MYO3B: variants seen among roughly 807,000 people sequenced by gnomAD.
MYO3B encodes the protein myosin-IIIb.
A neutral mutation model predicts 174.6 loss-of-function variants in MYO3B; 156 were observed. The ratio of observed to expected loss-of-function variants is 0.89; its 90% CI spans 0.78 to 1.02. MYO3B has a LOEUF of 1.02. MYO3B is among the 50% of genes least tolerant of loss of function. The probability of loss-of-function intolerance (pLI) is 0.00; values close to 1 mark genes in which losing one functional copy is unlikely to be tolerated. For missense variants in MYO3B, 1,632 were observed against 1,639.4 expected, an observed-to-expected ratio of 1.00 and a Z score of 0.08; for synonymous variants, 563 against 569.1, an observed-to-expected ratio of 0.99 and a Z score of 0.15.
At chr2:170,199,032 T>C (rs956610125) in intron 1 of MYO3B, among the ~76,000 whole-genome samples, 176 bp from the exon 2 acceptor site, 22 of 152,186 alleles carry the variant, frequency 1.4e-4, no homozygotes, top group African/African-American at 5.1e-4. Flanking sequence ...CTATCTTTTA[T>C]TACCATTTCT....
chr2:170,501,825 A>C lies in MYO3B; in HGVS notation c.3330A>C (p.Ile1110=). The change falls in exon 28 of 35, where the codon ATA becomes ATC. Residue 1110 remains isoleucine (I), a synonymous_variant. Coordinates refer to ENST00000408978, the MANE Select transcript of MYO3B (RefSeq NM_138995.5). ...ATGCTCGGAGGAAATTTAAGAAAATAAGCAACAGAAGGAATGAGTCTGCTG... is the reference window on the plus strand; with the variant it reads ...ATGCTCGGAGGAAATTTAAGAAAATCAGCAACAGAAGGAATGAGTCTGCTG... ...GYDARRKFKK[I]SNRRNESAAH... 1 of 1,613,170 alleles carries C rather than the reference A, an allele frequency of 6.2e-7. No homozygotes were observed. Among genetic ancestry groups the C allele is most frequent in the Non-Finnish European group, 8.5e-7 (1 of 1,179,162 alleles).
chr2:170,438,998 G>A lies in MYO3B; in HGVS notation c.2651-4969G>A, dbSNP rs140021221. Among the ~76,000 whole-genome samples the A allele has an allele frequency of 2.4e-3, 361 of 151,624 alleles. 1 individual carries two copies. Among genetic ancestry groups the A allele is most frequent in the African/African-American group, 8.4e-3 (348 of 41,314 alleles). Reference sequence around the variant, plus strand: ...CATTTCCCTAATGTTTAGTGATACTGAGTATCTCTTCATATACCGGTTAGC... The same window carrying A: ...CATTTCCCTAATGTTTAGTGATACTAAGTATCTCTTCATATACCGGTTAGC... On this transcript the variant is annotated intron_variant, in intron 22 of 34. Coordinates refer to ENST00000408978, the MANE Select transcript of MYO3B (RefSeq NM_138995.5).
chr2:170,545,598 A>T (rs566489911), intron 32 of MYO3B, among the ~76,000 whole-genome samples: 1 of 152,374 alleles, frequency 6.6e-6, no homozygotes, highest in Non-Finnish European at 1.5e-5. Context: ...TATTAAAAAG[A>T]AAAGAGACTT....
At chr2:170,629,249 G>A (rs1198665743) in intron 32 of MYO3B, among the ~76,000 whole-genome samples, 1 of 152,144 alleles carries the variant, frequency 6.6e-6, no homozygotes. Flanking sequence ...GACTTCTGCT[G>A]GACTGCCAGC....
At position 170,542,979 on chromosome 2, in the gene MYO3B, C is replaced by G. The variant is rs1284843221; in HGVS notation, c.3636+13C>G. ...ACATGCAAACAAGGTAGCTGGATATCTTGATTCCAAAGTAAATGTGTATCA... is the reference window on the plus strand; with the variant it reads ...ACATGCAAACAAGGTAGCTGGATATGTTGATTCCAAAGTAAATGTGTATCA... On this transcript the variant is annotated intron_variant, in intron 31 of 34. Transcript: ENST00000408978. 8.1e-6 allele frequency: 13 copies of G among 1,604,482 alleles called. No homozygotes were observed. Among genetic ancestry groups the G allele is most frequent in the Non-Finnish European group, 1.1e-5 (13 of 1,173,786 alleles).
At chr2:170,230,335 A>C (rs1275312675) in intron 6 of MYO3B, among the ~76,000 whole-genome samples, 1 of 17,746 alleles carries the variant, frequency 5.6e-5, no homozygotes, top group African/African-American at 1.4e-4. Context: ...ACGCCTGGCT[A>C]ATTTTTTTTT....
intron 2 of MYO3B, among the ~76,000 whole-genome samples, chr2:170,199,727 C>T (rs1036197514): frequency 1.3e-5 from 2 of 152,202 alleles, no homozygotes; most frequent in Admixed American, 1.3e-4. Context: ...CTTACGCTGA[C>T]ATCTTATTTT....
intron 32 of MYO3B, among the ~76,000 whole-genome samples, chr2:170,588,626 C>T (rs115293863): frequency 0.018 from 2,696 of 152,260 alleles, 35 homozygotes; most frequent in Middle Eastern, 0.037. Context: ...CTTTTATTGA[C>T]GATCTTTATC....
At chr2:170,422,998 T>TTTTTTTTTA (rs2094629524) in intron 22 of MYO3B, among the ~76,000 whole-genome samples, 1 of 146,486 alleles carries the variant, frequency 6.8e-6, no homozygotes, top group Non-Finnish European at 1.5e-5. Context: ...TTTTTTTTTT[T>TTTTTTTTTA]GAGACAGAGT....
chr2:170,517,819 G>A (rs78555294), intron 29 of MYO3B, among the ~76,000 whole-genome samples: 19,909 of 151,816 alleles, frequency 0.13, 1,371 homozygotes, highest in African/African-American at 0.16. Flanking sequence ...TCTCCAAGAG[G>A]GGGGAAAACC....
intron 32 of MYO3B, among the ~76,000 whole-genome samples, chr2:170,578,067 T>C (rs184370541): frequency 4.5e-4 from 69 of 152,332 alleles, no homozygotes; most frequent in African/African-American, 1.6e-3. Context: ...AAACCCTCTC[T>C]AAACAAGGTT....
chr2:170,470,447 G>A (rs1367355460), intron 25 of MYO3B, among the ~76,000 whole-genome samples: 4 of 151,898 alleles, frequency 2.6e-5, no homozygotes, highest in African/African-American at 9.7e-5. Flanking sequence ...TTATTTTTTT[G>A]TAGATGAATA....
intron 14 of MYO3B, among the ~76,000 whole-genome samples, chr2:170,389,036 T>C (rs553861178): frequency 6.6e-6 from 1 of 152,344 alleles, no homozygotes; most frequent in East Asian, 1.9e-4. Context: ...TGTGTTCAAA[T>C]GTAAAGTGGT....
chr2:170,386,074 C>T, intron 12 of MYO3B, 115 bp from the exon 13 acceptor site: 1 of 752,504 alleles, frequency 1.3e-6, no homozygotes, highest in Non-Finnish European at 2.2e-6. Flanking sequence ...AGGAAGATGC[C>T]TAAGATCTAT....
At chr2:170,371,822 G>A (rs1239824562) in intron 9 of MYO3B, among the ~76,000 whole-genome samples, 2 of 151,380 alleles carry the variant, frequency 1.3e-5, no homozygotes, top group Non-Finnish European at 2.9e-5. Context: ...CACTGGCTTG[G>A]CAGGGTGTGG....
intron 21 of MYO3B, among the ~76,000 whole-genome samples, chr2:170,407,007 G>A (rs1247799034): frequency 6.6e-6 from 1 of 152,152 alleles, no homozygotes; most frequent in African/African-American, 2.4e-5. Flanking sequence ...ATGTGTGACC[G>A]TGGGCACATT....
At chr2:170,619,189 C>T (rs1418095759) in intron 32 of MYO3B, among the ~76,000 whole-genome samples, 2 of 152,118 alleles carry the variant, frequency 1.3e-5, no homozygotes, top group Non-Finnish European at 2.9e-5. Context: ...TTTATAGGCT[C>T]TCCACAAGGG....
chr2:170,292,673 T>C (rs1189892638), intron 7 of MYO3B, among the ~76,000 whole-genome samples: 1 of 152,178 alleles, frequency 6.6e-6, no homozygotes, highest in African/African-American at 2.4e-5. Flanking sequence ...CCCTGCCTGT[T>C]TCAAATGTGG....
intron 25 of MYO3B, among the ~76,000 whole-genome samples, chr2:170,476,787 C>T (rs1216778389): frequency 6.6e-6 from 1 of 151,970 alleles, no homozygotes; most frequent in East Asian, 1.9e-4. Context: ...GGTATTCAGA[C>T]TTGAGGGTGG....
Sources: allele counts gnomAD v4.1 joint callset (sites outside exome capture counted in the v4.1 genomes callset), GRCh38; gene constraint gnomAD v4.1.1; transcripts MANE v1.5; gene names NCBI Gene and HGNC (gene_info 2026-07-23, HGNC 2026-07-21).